The following DGKB variants were observed in gnomAD, a reference collection of about 807,000 sequenced individuals.
DGKB encodes 90 kDa diacylglycerol kinase.
A neutral mutation model predicts 114.3 loss-of-function variants in DGKB; 67 were observed. The observed-to-expected ratio is 0.59, with a 90% CI of 0.48 to 0.72. DGKB has a LOEUF of 0.72. DGKB is among the 30% of genes least tolerant of loss of function. The pLI is 0.00. For synonymous variants in DGKB, 398 were observed against 323.1 expected, an observed-to-expected ratio of 1.23 and a Z score of -2.49; for missense variants, 907 against 975.2, an observed-to-expected ratio of 0.93 and a Z score of 0.93.
At chr7:14,256,450 C>T (rs993078123) in intron 23 of DGKB, among the ~76,000 whole-genome samples, 31 of 87,308 alleles carry the variant, frequency 3.6e-4, no homozygotes, top group Non-Finnish European at 2.6e-4. Context: ...TTTTTATTTC[C>T]ATTCTAAAAT....
At chr7:14,352,180 A>G (rs1391601510) in intron 21 of DGKB, among the ~76,000 whole-genome samples, 1 of 152,220 alleles carries the variant, frequency 6.6e-6, no homozygotes, top group Non-Finnish European at 1.5e-5. Context: ...CTTAGTTTAT[A>G]AAAGAAAAGA....
At chr7:14,371,953 GC>G in intron 21 of DGKB, among the ~76,000 whole-genome samples, 1 of 152,278 alleles carries the variant, frequency 6.6e-6, no homozygotes, top group East Asian at 1.9e-4. Flanking sequence ...TGGCCATGCT[GC>G]TGGGTCTCCA....
chr7:14,604,187 A>C (rs1285405846), intron 17 of DGKB, among the ~76,000 whole-genome samples: 1 of 152,146 alleles, frequency 6.6e-6, no homozygotes. Context: ...GAAACAGAAT[A>C]ATCAGGATCA....
intron 1 of DGKB, among the ~76,000 whole-genome samples, chr7:14,938,114 AAGTATTTAAG>A (rs1377468616): frequency 2.0e-5 from 3 of 152,206 alleles, no homozygotes; most frequent in African/African-American, 7.2e-5. Flanking sequence ...ACAAATACAC[AAGTATTTAAG>A]CAGGTACACA....
intron 21 of DGKB, among the ~76,000 whole-genome samples, chr7:14,474,366 G>A (rs1781857866): frequency 6.6e-6 from 1 of 152,158 alleles, no homozygotes; most frequent in South Asian, 2.1e-4. Flanking sequence ...GGCCTTCTCA[G>A]CCATGTGGAA....
chr7:14,717,361 T>C (rs1203307800), intron 6 of DGKB, among the ~76,000 whole-genome samples: 1 of 152,128 alleles, frequency 6.6e-6, no homozygotes, highest in Non-Finnish European at 1.5e-5. Context: ...GAGCAAACTT[T>C]CTCTCTGGCT....
intron 20 of DGKB, among the ~76,000 whole-genome samples, chr7:14,516,097 C>A (rs1412662632): frequency 6.6e-6 from 1 of 152,158 alleles, no homozygotes; most frequent in Non-Finnish European, 1.5e-5. Context: ...ATCTGCCCAC[C>A]TTGGCCTCCC....
At chr7:14,436,293 A>G (rs1184484943) in intron 21 of DGKB, among the ~76,000 whole-genome samples, 2 of 152,170 alleles carry the variant, frequency 1.3e-5, no homozygotes, top group African/African-American at 4.8e-5. Context: ...ATTATTGTCT[A>G]TTTATTTTTA....
intron 23 of DGKB, among the ~76,000 whole-genome samples, chr7:14,292,730 G>T (rs866655726): frequency 6.6e-6 from 1 of 152,180 alleles, no homozygotes; most frequent in Non-Finnish European, 1.5e-5. Context: ...CACTTACAGA[G>T]TGCCTCTGTG....
intron 4 of DGKB, among the ~76,000 whole-genome samples, chr7:14,750,590 C>G (rs992829733): frequency 2.6e-5 from 4 of 152,002 alleles, no homozygotes; most frequent in Admixed American, 2.6e-4. Flanking sequence ...CTCTTCTACC[C>G]AAGTCCATGC....
intron 1 of DGKB, among the ~76,000 whole-genome samples, chr7:14,930,938 GCTTTTT>G: frequency 6.6e-6 from 1 of 152,062 alleles, no homozygotes; most frequent in South Asian, 2.1e-4. Flanking sequence ...TTTATAGAAT[GCTTTTT>G]CTTTGTCTAT....
intron 1 of DGKB, among the ~76,000 whole-genome samples, chr7:14,868,665 T>C (rs1852030198): frequency 6.6e-6 from 1 of 152,184 alleles, no homozygotes; most frequent in South Asian, 2.1e-4. Flanking sequence ...CCCATCATTT[T>C]ACCTATAATG....
chr7:14,228,302 AGTT>A (rs1791148510), intron 23 of DGKB, among the ~76,000 whole-genome samples: 1 of 152,036 alleles, frequency 6.6e-6, no homozygotes, highest in Non-Finnish European at 1.5e-5. Flanking sequence ...ACAAAGACAA[AGTT>A]GTTGCTGGAC....
intron 3 of DGKB, among the ~76,000 whole-genome samples, chr7:14,755,107 T>C (rs1834676055): frequency 6.6e-6 from 1 of 152,200 alleles, no homozygotes; most frequent in South Asian, 2.1e-4. Flanking sequence ...GACCTTTGAA[T>C]GGTTTTTATT....
At chr7:14,463,271 A>G (rs1833353058) in intron 21 of DGKB, among the ~76,000 whole-genome samples, 1 of 152,110 alleles carries the variant, frequency 6.6e-6, no homozygotes, top group Admixed American at 6.5e-5. Context: ...AAGGGATAGC[A>G]CTGGGCATAA....
intron 21 of DGKB, among the ~76,000 whole-genome samples, chr7:14,452,950 G>T (rs914659919): frequency 2.0e-5 from 3 of 151,988 alleles, no homozygotes; most frequent in African/African-American, 7.2e-5. Flanking sequence ...TTCTATAAAG[G>T]CTCCATTAAA....
intron 12 of DGKB, among the ~76,000 whole-genome samples, chr7:14,681,440 T>C (rs924217194): frequency 3.3e-5 from 5 of 151,918 alleles, no homozygotes; most frequent in African/African-American, 1.2e-4. Flanking sequence ...TGTGAGTGTG[T>C]GTGTATGTGT....
chr7:14,403,616 G>C (rs963986745), intron 21 of DGKB, among the ~76,000 whole-genome samples: 6 of 151,996 alleles, frequency 3.9e-5, no homozygotes, highest in Non-Finnish European at 8.8e-5. Flanking sequence ...ACTCCTGTTG[G>C]AGAACTCTTA....
chr7:14,658,197 C>G (rs1585412864), intron 13 of DGKB, among the ~76,000 whole-genome samples: 1 of 151,854 alleles, frequency 6.6e-6, no homozygotes, highest in East Asian at 1.9e-4. Context: ...AACATCACAA[C>G]TTAGCCAAGT....
Sources: gnomAD v4.1 joint callset for allele counts (sites outside exome capture counted in the v4.1 genomes callset) on GRCh38, gnomAD v4.1.1 for gene constraint, MANE v1.5 for transcripts, NCBI Gene and HGNC (gene_info 2026-07-23, HGNC 2026-07-21) for gene names.